TNS2: variants seen among roughly 807,000 people sequenced by gnomAD.
TNS2 encodes the protein tensin 2.
In TNS2, 77 loss-of-function variants were observed where a neutral mutation model predicts 155.7. The observed-to-expected ratio is 0.49, with a 90% CI of 0.41 to 0.60. The LOEUF is 0.60. Among genes scored for constraint, TNS2 ranks in the 20% least tolerant of loss-of-function variants. The probability of loss-of-function intolerance (pLI) is 0.00; values close to 1 mark genes in which losing one functional copy is unlikely to be tolerated. For missense variants in TNS2, 1,703 were observed against 1,868.8 expected (o/e 0.91, Z 1.64); for synonymous variants, 726 against 763.9 (o/e 0.95, Z 0.82).
upstream of TNS2, among the ~76,000 whole-genome samples, chr12:53,048,135 C>G (rs1592237087): frequency 6.6e-6 from 1 of 152,170 alleles, no homozygotes; most frequent in African/African-American, 2.4e-5. Context: ...CTACTTTTCC[C>G]CTCGGGACTG....
At chr12:53,049,804 G>T, upstream of TNS2, 1 of 274,882 alleles carries the variant, frequency 3.6e-6, no homozygotes, top group Non-Finnish European at 7.0e-6. Context: ...CCCCACCGGG[G>T]GTGGGGGCAG....
Position 53,057,471 on chromosome 12 carries a change from CAGA to C in TNS2, c.846-92_846-90del, listed in dbSNP as rs1944200142. 4 of 933,692 alleles carry C rather than the reference CAGA, an allele frequency of 4.3e-6. No homozygotes were observed. The East Asian group carries it at 9.7e-5, about 23-fold the overall frequency. 57.8% of individuals were successfully genotyped at this position (933,692 alleles called of 1,614,324 possible). A position where few individuals can be genotyped will look rare whatever the true frequency, so the allele number is the denominator to read the frequency against. On this transcript the variant is annotated intron_variant, in intron 11 of 28. Coordinates refer to ENST00000314250, the MANE Select transcript of TNS2 (RefSeq NM_170754.4). ...CGGAAGATGGGAAGGAAGTGTTGAGCAGAAGAGCGAGCCTTCTAAGGGTGGATG... is the reference window on the plus strand; with the variant it reads ...CGGAAGATGGGAAGGAAGTGTTGAGCAGAGCGAGCCTTCTAAGGGTGGATG...
intron 10 of TNS2, 41 bp downstream of exon 10, chr12:53,055,886 C>A: frequency 6.3e-7 from 1 of 1,581,380 alleles, no homozygotes; most frequent in South Asian, 1.2e-5. Context: ...CCCCAGTGGC[C>A]CTTTCTCCAG....
At chr12:53,055,376 G>A in intron 8 of TNS2, 140 bp downstream of exon 8, 2 of 1,162,810 alleles carry the variant, frequency 1.7e-6, no homozygotes, top group East Asian at 2.4e-5. Flanking sequence ...ATATATTACT[G>A]GAGACACCCC....
rs902506506 is a variant in TNS2, at chr12:53,054,098, A to G, written c.350+84A>G. ...AGCCCAGGGCACTGCCCCGCAACAG[A>G]GCTCCCCGGGACAGCCCCCCACCCC... On this transcript the variant is annotated intron_variant, in intron 6 of 28. Transcript: ENST00000314250. 6 of 1,596,436 alleles carry G rather than the reference A, an allele frequency of 3.8e-6. No individual in the cohort carries two copies. The African/African-American group carries it at 8.1e-5, about 21-fold the overall frequency.
At position 53,059,655 on chromosome 12, in the gene TNS2, G is replaced by A; in HGVS notation, c.2014G>A (p.Gly672Ser). The change falls in exon 18 of 29, where the codon GGC becomes AGC. Residue 672 changes from glycine to serine, a missense_variant. Gly to Ser is a moderately conservative substitution (Grantham distance 56, BLOSUM62 0). Coordinates refer to ENST00000314250, the MANE Select transcript of TNS2 (RefSeq NM_170754.4). The surrounding 1 kb of genome is among the most constrained non-coding windows in gnomAD (Gnocchi z 4.7). Reference sequence around the variant, plus strand: ...TGGGGACTTTGGCTACCGCGCCCCAGGCTACCGGGAGGTGGTCATCCTGGA... The same window carrying A: ...TGGGGACTTTGGCTACCGCGCCCCAAGCTACCGGGAGGTGGTCATCCTGGA... Reference protein sequence around the residue: ...ATGDFGYRAPGYREVVILEDP... With the variant: ...ATGDFGYRAPSYREVVILEDP... 6.2e-7 allele frequency: 1 copy of A among 1,613,400 alleles called. No homozygotes were observed. Among genetic ancestry groups the A allele is most frequent in the Non-Finnish European group, 8.5e-7 (1 of 1,179,938 alleles).
chr12:53,061,673 G>C, intron 21 of TNS2, 142 bp from the exon 22 acceptor site: 1 of 1,451,716 alleles, frequency 6.9e-7, no homozygotes, highest in Non-Finnish European at 9.3e-7. Flanking sequence ...GAACTCTAGA[G>C]CCCTGGCCTC....
chr12:53,054,176 G>C, intron 6 of TNS2, 94 bp from the exon 7 acceptor site: 2 of 1,592,510 alleles, frequency 1.3e-6, no homozygotes, highest in Non-Finnish European at 1.7e-6. Flanking sequence ...GACCCAGCAG[G>C]CTTCACCTGC....
rs766906286 is a variant in TNS2 at position 53,059,995 on chromosome 12, C to T, written c.2354C>T (p.Ala785Val). Residue 785 changes from alanine to valine, a missense_variant, in exon 18 of 29, where the codon GCC (alanine) becomes GTC (valine). By Grantham distance (64) the Ala-to-Val change is moderately conservative. Coordinates refer to ENST00000314250, the MANE Select transcript of TNS2 (RefSeq NM_170754.4). The surrounding 1 kb of genome is among the most constrained non-coding windows in gnomAD (Gnocchi z 4.7). ...EGRYGHPGYP[A>V]LVTYSYGGAV... ...AGGTATGGGCATCCAGGGTACCCTGCCCTGGTGACATACAGCTATGGAGGA... is the reference window on the plus strand; with the variant it reads ...AGGTATGGGCATCCAGGGTACCCTGTCCTGGTGACATACAGCTATGGAGGA... 1.7e-5 allele frequency: 27 copies of T among 1,613,320 alleles called. No individual in the cohort carries two copies. The South Asian group carries it at 2.9e-4, about 17-fold the overall frequency.
upstream of TNS2, among the ~76,000 whole-genome samples, chr12:53,047,596 C>G (rs1943772141): frequency 6.6e-6 from 1 of 151,496 alleles, no homozygotes; most frequent in African/African-American, 2.4e-5. Context: ...GGCCGCGGCC[C>G]TACTCGATCA....
chr12:53,059,883 C>T lies in TNS2; in HGVS notation c.2242C>T (p.Pro748Ser), dbSNP rs1362168419. The change falls in exon 18 of 29, where the codon CCG (proline) becomes TCG (serine). Residue 748 changes from proline (P) to serine (S), a missense_variant. Coordinates refer to ENST00000314250, the MANE Select transcript of TNS2 (RefSeq NM_170754.4). The surrounding 1 kb of genome is among the most constrained non-coding windows in gnomAD (Gnocchi z 4.7). ...GCCTGCCTGTGGGCATCACCATGCCCCGATGCCTGACTACAGCTGCCTGAA... is the reference window on the plus strand; with the variant it reads ...GCCTGCCTGTGGGCATCACCATGCCTCGATGCCTGACTACAGCTGCCTGAA... ...LLPACGHHHA[P>S]MPDYSCLKPP... 1.2e-6 allele frequency: 2 copies of T among 1,613,056 alleles called. No homozygotes were observed. The highest frequency in any genetic ancestry group is 1.1e-5 in the South Asian group (1 of 91,070).
chr12:53,061,003 A>G lies in TNS2; in HGVS notation c.3097A>G (p.Thr1033Ala). 6.2e-7 allele frequency: 1 copy of G among 1,612,834 alleles called. No homozygotes were observed. The highest frequency in any genetic ancestry group is 8.5e-7 in the Non-Finnish European group (1 of 1,179,614). Residue 1033 changes from threonine to alanine, a missense_variant, in exon 20 of 29, where the codon ACT becomes GCT. By Grantham distance (58) the Thr-to-Ala change is moderately conservative. Coordinates refer to ENST00000314250, the MANE Select transcript of TNS2 (RefSeq NM_170754.4). Reference protein sequence around the residue: ...PPDSPDGSPLTPVPSQMPWLV... With the variant: ...PPDSPDGSPLAPVPSQMPWLV... ...CGACAGCCCAGATGGGTCTCCCCTC[A>G]CTCCTGTGCCTTCCCAGATGCCCTG...
chr12:53,053,438 C>T lies in TNS2; in HGVS notation c.250C>T (p.Pro84Ser). Residue 84 changes from proline to serine, a missense_variant, in exon 4 of 29, where the codon CCC (proline) becomes TCC (serine). Transcript: ENST00000314250. Reference sequence around the variant, plus strand: ...GACTTCAGCCTGTCAGGCCTTGCCTCCCGTGGAGTTGGTGAGTGCGCTCTG... The same window carrying T: ...GACTTCAGCCTGTCAGGCCTTGCCTTCCGTGGAGTTGGTGAGTGCGCTCTG... ...KVTSACQALP[P>S]VELRRNTAPV... 1.2e-6 allele frequency: 2 copies of T among 1,614,032 alleles called. No individual in the cohort carries two copies. The highest frequency in any genetic ancestry group is 1.7e-6 in the Non-Finnish European group (2 of 1,179,964).
In TNS2 at chr12:53,055,669, C is replaced by T. The variant is rs771624228; in HGVS notation, c.675C>T (p.His225=). 18 of 1,614,044 alleles carry T rather than the reference C, an allele frequency of 1.1e-5. No individual in the cohort carries two copies. The highest frequency in any genetic ancestry group is 1.7e-5 in the Admixed American group (1 of 60,008). Residue 225 remains histidine (H), a synonymous_variant, in exon 9 of 29, where the codon CAC becomes CAT. Coordinates refer to ENST00000314250, the MANE Select transcript of TNS2 (RefSeq NM_170754.4). ...METWLSADPQ[H]VVVLYCKGNK... ...CATGGCTCAGTGCTGACCCACAGCACGTGGTCGTACTATACTGCAAGGTGG... is the reference window on the plus strand; with the variant it reads ...CATGGCTCAGTGCTGACCCACAGCATGTGGTCGTACTATACTGCAAGGTGG...
chr12:53,060,692 C>T lies in TNS2; in HGVS notation c.2786C>T (p.Thr929Ile). The change falls in exon 20 of 29, where the codon ACC becomes ATC. Residue 929 changes from threonine (T) to isoleucine (I), a missense_variant. By Grantham distance (89) the Thr-to-Ile change is moderately conservative. Coordinates refer to ENST00000314250, the MANE Select transcript of TNS2 (RefSeq NM_170754.4). This position sits in a 1 kb window ranked among gnomAD's most constrained non-coding sequence, Gnocchi z 6.1. The part of the protein sequence containing the change: ...QGKESTRRQD[T>I]RSPTSAPTQR... ...CCCTACAGCACCCGGCGACAGGACA[C>T]CAGGTCCCCCACCTCAGCGCCCACT... 6.3e-7 allele frequency: 1 copy of T among 1,581,828 alleles called. No individual in the cohort carries two copies. Among genetic ancestry groups the T allele is most frequent in the Non-Finnish European group, 8.6e-7 (1 of 1,159,506 alleles).
At chr12:53,053,342 G>A in intron 3 of TNS2, 69 bp from the exon 4 acceptor site, 2 of 1,585,852 alleles carry the variant, frequency 1.3e-6, no homozygotes, top group Non-Finnish European at 1.7e-6. Context: ...AAGCTGAGGG[G>A]CTGCCCCATC....
rs1227405824 is a variant in TNS2 at position 53,057,228 on chromosome 12, GT to G, written c.845+133del. On this transcript the variant is annotated intron_variant, in intron 11 of 28. Coordinates refer to ENST00000314250, the MANE Select transcript of TNS2 (RefSeq NM_170754.4). ...CCGTGCCAGGTGCTGAGAATTCAAA[GT>G]GGACAAAGCCCCTGCTCTCATGGAG... The G allele has an allele frequency of 2.0e-5, 20 of 987,790 alleles. No individual in the cohort carries two copies. The African/African-American group carries it at 2.7e-4, about 13-fold the overall frequency. The allele number at this position is 987,790 out of a possible 1,614,324, so 61.2% of individuals were successfully genotyped here.
At chr12:53,054,504 C>T (rs1944064531) in intron 7 of TNS2, 63 bp downstream of exon 7, 2 of 1,434,878 alleles carry the variant, frequency 1.4e-6, no homozygotes, top group Non-Finnish European at 1.8e-6. Context: ...ATGGGCGAGG[C>T]TAATCACTGA....
upstream of TNS2, among the ~76,000 whole-genome samples, chr12:53,047,854 G>C (rs550349293): frequency 1.3e-5 from 2 of 152,154 alleles, no homozygotes; most frequent in Non-Finnish European, 2.9e-5. Flanking sequence ...GACCCTTCTG[G>C]GAACACCCCC....
Sources: allele counts gnomAD v4.1 joint callset (sites outside exome capture counted in the v4.1 genomes callset), GRCh38; gene constraint gnomAD v4.1.1; non-coding constraint Gnocchi (gnomAD v3.1); transcripts MANE v1.5; gene names NCBI Gene and HGNC (gene_info 2026-07-23, HGNC 2026-07-21).